The following SHISA9 variants were observed in gnomAD, a reference collection of about 807,000 sequenced individuals.
SHISA9 encodes protein shisa-9.
SHISA9 carries 13 observed loss-of-function variants against 38.0 expected under a neutral mutation model. That is an observed-to-expected ratio of 0.34 (90% CI 0.22 to 0.54). The LOEUF (loss-of-function observed/expected upper bound fraction) is 0.54. Ranked by LOEUF, SHISA9 falls within the 20% of genes least tolerant of loss-of-function variation. The pLI is 0.91. For missense variants in SHISA9, 538 were observed against 575.8 expected, an observed-to-expected ratio of 0.93 and a Z score of 0.67; for synonymous variants, 275 against 242.0, an observed-to-expected ratio of 1.14 and a Z score of -1.27.
At chr16:13,544,357 C>G in the SHISA9 span, among the ~76,000 whole-genome samples, 3 of 148,714 alleles carry the variant, frequency 2.0e-5, no homozygotes, top group African/African-American at 7.4e-5. Context: ...ATTTGAACCC[C>G]ATTCTGACAG....
chr16:12,953,169 A>T (rs1215190792), intron 2 of SHISA9, among the ~76,000 whole-genome samples: 1 of 135,800 alleles, frequency 7.4e-6, no homozygotes, highest in African/African-American at 2.6e-5. Context: ...GAGGAACCTT[A>T]AAAAAAAGTA....
At chr16:12,928,341 T>TGC (rs1183083403) in intron 2 of SHISA9, among the ~76,000 whole-genome samples, 2 of 151,974 alleles carry the variant, frequency 1.3e-5, no homozygotes, top group South Asian at 4.2e-4. Context: ...TATGTGTGTG[T>TGC]GCATGACTTT....
chr16:13,019,953 T>TTC (rs2072827747), intron 2 of SHISA9, among the ~76,000 whole-genome samples: 1 of 97,206 alleles, frequency 1.0e-5, no homozygotes, highest in African/African-American at 3.7e-5. Context: ...CTTTCTTTCT[T>TTC]TCTTTCCCTC....
At chr16:12,928,382 T>C (rs1444284342) in intron 2 of SHISA9, among the ~76,000 whole-genome samples, 1 of 152,048 alleles carries the variant, frequency 6.6e-6, no homozygotes, top group Non-Finnish European at 1.5e-5. Flanking sequence ...ATCCATTGTC[T>C]GCATTTTACA....
intron 2 of SHISA9, among the ~76,000 whole-genome samples, chr16:13,148,439 T>A (rs1365988635): frequency 6.6e-6 from 1 of 151,922 alleles, no homozygotes; most frequent in Non-Finnish European, 1.5e-5. Context: ...AGCACATAAC[T>A]GCATCAAAAC....
intron 2 of SHISA9, among the ~76,000 whole-genome samples, chr16:13,185,107 T>G (rs951697520): frequency 3.3e-5 from 5 of 152,240 alleles, no homozygotes; most frequent in Non-Finnish European, 7.3e-5. Context: ...ATTTGTGTTT[T>G]GGTTTCTGTT....
the SHISA9 span, among the ~76,000 whole-genome samples, chr16:13,484,220 G>C: frequency 6.6e-6 from 1 of 152,206 alleles, no homozygotes; most frequent in Non-Finnish European, 1.5e-5. Context: ...TGTTGTTGTG[G>C]TAGTGTGAGA....
chr16:13,249,729 T>C, the SHISA9 span, among the ~76,000 whole-genome samples: 12 of 152,078 alleles, frequency 7.9e-5, no homozygotes, highest in Non-Finnish European at 1.6e-4. Context: ...TCTCCACCTT[T>C]CTTTTATTAT....
chr16:13,064,826 G>A (rs1054932512), intron 2 of SHISA9, among the ~76,000 whole-genome samples: 1 of 150,838 alleles, frequency 6.6e-6, no homozygotes, highest in East Asian at 1.9e-4. Context: ...AAATGGATGA[G>A]AAAGATTACC....
the SHISA9 span, among the ~76,000 whole-genome samples, chr16:13,532,469 C>A: frequency 6.6e-6 from 1 of 152,086 alleles, no homozygotes; most frequent in East Asian, 1.9e-4. Flanking sequence ...TGAATCCAAG[C>A]TGCTGCCCTG....
the SHISA9 span, among the ~76,000 whole-genome samples, chr16:13,436,570 A>T: frequency 1.3e-5 from 2 of 152,222 alleles, no homozygotes; most frequent in Non-Finnish European, 1.5e-5. Flanking sequence ...TCTGCCTATG[A>T]CGTAGCCATT....
chr16:12,937,211 G>A (rs752457430), intron 2 of SHISA9, among the ~76,000 whole-genome samples: 3 of 152,082 alleles, frequency 2.0e-5, no homozygotes, highest in Non-Finnish European at 4.4e-5. Context: ...GTCTGTCCAT[G>A]TACATATAGT....
the SHISA9 span, among the ~76,000 whole-genome samples, chr16:13,397,026 C>G: frequency 2.6e-5 from 4 of 151,822 alleles, no homozygotes; most frequent in Non-Finnish European, 5.9e-5. Context: ...ACAATGAGGA[C>G]GAAGACCTTT....
intron 2 of SHISA9, among the ~76,000 whole-genome samples, chr16:12,974,478 G>GTTTTTTTTTT (rs1300169846): frequency 2.3e-5 from 3 of 132,314 alleles, no homozygotes; most frequent in African/African-American, 8.8e-5. Flanking sequence ...GATTTCTGGT[G>GTTTTTTTTTT]GTTTTTTTTT....
chr16:13,549,064 C>T, the SHISA9 span, among the ~76,000 whole-genome samples: 3 of 152,158 alleles, frequency 2.0e-5, no homozygotes, highest in African/African-American at 7.2e-5. Flanking sequence ...TTATTTGCAG[C>T]AATGTGGATG....
the SHISA9 span, among the ~76,000 whole-genome samples, chr16:13,492,189 G>A: frequency 3.3e-5 from 5 of 152,024 alleles, no homozygotes; most frequent in Admixed American, 2.6e-4. Flanking sequence ...CACAAGGAAG[G>A]GAAAAGTAAA....
At chr16:13,185,264 C>CAAT (rs1463784901) in intron 2 of SHISA9, among the ~76,000 whole-genome samples, 1 of 152,170 alleles carries the variant, frequency 6.6e-6, no homozygotes, top group South Asian at 2.1e-4. Flanking sequence ...AGCAGTGGCA[C>CAAT]AATCATAGTT....
At chr16:12,951,585 A>G (rs1229542227) in intron 2 of SHISA9, among the ~76,000 whole-genome samples, 4 of 152,122 alleles carry the variant, frequency 2.6e-5, no homozygotes, top group Non-Finnish European at 5.9e-5. Flanking sequence ...AAAAAAAATC[A>G]GCTGTGAACT....
intron 2 of SHISA9, among the ~76,000 whole-genome samples, chr16:13,197,321 AAGATGAGCC>A (rs1011649462): frequency 1.3e-5 from 2 of 152,140 alleles, no homozygotes; most frequent in African/African-American, 4.8e-5. Flanking sequence ...TCTTTCCTTT[AAGATGAGCC>A]AGAATGGTCT....
Sources: allele counts gnomAD v4.1 joint callset (sites outside exome capture counted in the v4.1 genomes callset), GRCh38; gene constraint gnomAD v4.1.1; transcripts MANE v1.5; gene names NCBI Gene and HGNC (gene_info 2026-07-23, HGNC 2026-07-21).